ARL5B: variants seen among roughly 807,000 people sequenced by gnomAD.
The protein encoded by ARL5B is ARF like GTPase 5B, also known as ADP-ribosylation factor-like protein 5B.
A neutral mutation model predicts 26.9 loss-of-function variants in ARL5B; 10 were observed. That is an observed-to-expected ratio of 0.37 (90% CI 0.23 to 0.63). The LOEUF is 0.63. Ranked by LOEUF, ARL5B falls within the 30% of genes least tolerant of loss-of-function variation. The pLI, the probability that ARL5B is intolerant of heterozygous loss-of-function variation, is 0.62. For missense variants in ARL5B, 167 were observed against 213.9 expected, an observed-to-expected ratio of 0.78 and a Z score of 1.37; for synonymous variants, 87 against 70.4, an observed-to-expected ratio of 1.24 and a Z score of -1.18.
chr10:18,667,401 C>G (rs1015230335), intron 2 of ARL5B, among the ~76,000 whole-genome samples: 2 of 152,300 alleles, frequency 1.3e-5, no homozygotes, highest in Admixed American at 1.3e-4. Flanking sequence ...TTTGTTGTTT[C>G]AGAGTTGAAC....
chr10:18,674,001 A>C lies in ARL5B; in HGVS notation c.357A>C (p.Ala119=), dbSNP rs765341931. ...MLAHEDLRKA[A]VLIFANKQDM... The stretch of plus-strand genomic sequence containing the variant: ...GATTGCAGGATTTACGGAAGGCTGC[A>C]GTCCTTATCTTTGCAAATAAACAGG... The change falls in exon 5 of 6, where the codon GCA becomes GCC. Residue 119 remains alanine (A), a synonymous_variant. Transcript: ENST00000377275. The C allele has an allele frequency of 1.2e-6, 2 of 1,605,386 alleles. No individual in the cohort carries two copies. Among genetic ancestry groups the C allele is most frequent in the African/African-American group, 1.3e-5 (1 of 74,352 alleles).
At chr10:18,664,507 G>A (rs1290932905) in intron 1 of ARL5B, among the ~76,000 whole-genome samples, 10 of 131,728 alleles carry the variant, frequency 7.6e-5, no homozygotes, top group South Asian at 4.9e-4. Context: ...ACCCGATCTC[G>A]GCTCACCGCA....
chr10:18,668,960 G>A (rs906562464), intron 3 of ARL5B, among the ~76,000 whole-genome samples: 3 of 151,916 alleles, frequency 2.0e-5, no homozygotes, highest in African/African-American at 4.8e-5. Context: ...AGTAGAGACC[G>A]GGGTTTCACC....
chr10:18,675,234 G>A lies in ARL5B; in HGVS notation c.*18G>A. 6.2e-7 allele frequency: 1 copy of A among 1,610,568 alleles called. No individual in the cohort carries two copies. The highest frequency in any genetic ancestry group is 8.5e-7 in the Non-Finnish European group (1 of 1,176,848). On this transcript the variant is annotated 3_prime_UTR_variant, in exon 6 of 6. Transcript: ENST00000377275. ...TGAGATAACTTTTTTGCTTGAAAGA[G>A]ACTGCTCTATTTATTCTGTGACATG...
chr10:18,674,919 A>G (rs1017679194), intron 5 of ARL5B, among the ~76,000 whole-genome samples: 5 of 152,262 alleles, frequency 3.3e-5, no homozygotes, highest in Middle Eastern at 6.8e-3. Flanking sequence ...TGCACTCTTC[A>G]TGGCAAAACT....
chr10:18,675,420 T>G lies in ARL5B; in HGVS notation c.*204T>G. The G allele has an allele frequency of 1.8e-6, 1 of 543,456 alleles. No individual in the cohort carries two copies. The highest frequency in any genetic ancestry group is 3.3e-6 in the Non-Finnish European group (1 of 302,358). The allele number at this position is 543,456 out of a possible 1,614,324, so 33.7% of individuals were successfully genotyped here. On this transcript the variant is annotated 3_prime_UTR_variant, in exon 6 of 6. Transcript: ENST00000377275. ...TTTAACACACTAATCTTCAGTTGGA[T>G]GAATGTAATGTATAACTATGTTTTC...
chr10:18,675,524 G>T lies in ARL5B; in HGVS notation c.*308G>T. On this transcript the variant is annotated 3_prime_UTR_variant, in exon 6 of 6. Transcript: ENST00000377275. ...GTTTGTCATATGCGTGATGTCTTCT[G>T]AAATATTCTTATAACCTTAATGACC... is the stretch of plus-strand genomic sequence containing the variant. 3.4e-6 allele frequency: 1 copy of T among 292,174 alleles called. No homozygotes were observed. The highest frequency in any genetic ancestry group is 6.6e-6 in the Non-Finnish European group (1 of 152,306). The allele number at this position is 292,174 out of a possible 1,614,324, so 18.1% of individuals were successfully genotyped here.
At position 18,673,237 on chromosome 10, in the gene ARL5B, T is replaced by G. The variant is rs564693609; in HGVS notation, c.339+532T>G. ...CCACCACGCCTGGTTAATTTTTGTATTTTTAGTAGAGACAGGATTTCACCA... is the reference window on the plus strand; with the variant it reads ...CCACCACGCCTGGTTAATTTTTGTAGTTTTAGTAGAGACAGGATTTCACCA... On this transcript the variant is annotated intron_variant, in intron 4 of 5. Coordinates refer to ENST00000377275, the MANE Select transcript of ARL5B (RefSeq NM_178815.5). Among the ~76,000 whole-genome samples, 18 of 151,996 alleles carry G rather than the reference T, an allele frequency of 1.2e-4. No individual in the cohort carries two copies. The East Asian group carries it at 3.5e-3, about 29-fold the overall frequency.
chr10:18,671,297 G>A (rs370444741), intron 3 of ARL5B, among the ~76,000 whole-genome samples: 2 of 151,702 alleles, frequency 1.3e-5, no homozygotes, highest in African/African-American at 2.4e-5. Context: ...CTCAGCCTCC[G>A]AAGTAGCAGG....
At position 18,669,991 on chromosome 10, in the gene ARL5B, T is replaced by C. The variant is rs570915835; in HGVS notation, c.255+1314T>C. ...CCTGGGTGACAAAACGAGACTCTTA[T>C]CTCAAAAAAAAAAAAAAAAAAAATT... On this transcript the variant is annotated intron_variant, in intron 3 of 5. Transcript: ENST00000377275. Among the ~76,000 whole-genome samples the C allele has an allele frequency of 1.1e-3, 135 of 126,932 alleles. 1 individual carries two copies. The highest frequency in any genetic ancestry group is 4.2e-3 in the African/African-American group (132 of 31,074). 83.3% of individuals were successfully genotyped at this position (126,932 alleles called of 152,430 possible).
intron 1 of ARL5B, among the ~76,000 whole-genome samples, chr10:18,666,314 A>T (rs746086261): frequency 1.3e-5 from 2 of 152,252 alleles, no homozygotes; most frequent in Admixed American, 6.5e-5. Flanking sequence ...AATATAAGTG[A>T]CCAACTTTGC....
intron 4 of ARL5B, 135 bp downstream of exon 4, chr10:18,672,840 G>T: frequency 2.2e-6 from 1 of 456,138 alleles, no homozygotes; most frequent in Non-Finnish European, 3.8e-6. Flanking sequence ...CTAAACTGAT[G>T]AAAGTCTTGA....
chr10:18,664,691 G>A (rs2059853304), intron 1 of ARL5B, among the ~76,000 whole-genome samples: 1 of 151,898 alleles, frequency 6.6e-6, no homozygotes, highest in Non-Finnish European at 1.5e-5. Flanking sequence ...TCCCACCTCG[G>A]CCTCCCAAAG....
At chr10:18,662,081 C>T (rs1430742663) in intron 1 of ARL5B, among the ~76,000 whole-genome samples, 1 of 152,216 alleles carries the variant, frequency 6.6e-6, no homozygotes, top group Non-Finnish European at 1.5e-5. Context: ...ACAAAATTAA[C>T]TACCAATCTC....
chr10:18,681,179 T>C lies in ARL5B; in HGVS notation c.*5963T>C, dbSNP rs1202912472. 2.0e-5 allele frequency: 3 copies of C among 152,162 alleles called. No homozygotes were observed. Among genetic ancestry groups the C allele is most frequent in the South Asian group, 2.1e-4 (1 of 4,832 alleles). 9.4% of individuals were successfully genotyped at this position (152,162 alleles called of 1,614,324 possible). ...GTATTGTGCAGAGGAAAGAAAAATG[T>C]CTTTCACACCACAAACTGTGTGTCT... On this transcript the variant is annotated 3_prime_UTR_variant, in exon 6 of 6. Transcript: ENST00000377275.
In ARL5B at chr10:18,680,261, A is replaced by G. The variant is rs1248760997; in HGVS notation, c.*5045A>G. On this transcript the variant is annotated 3_prime_UTR_variant, in exon 6 of 6. Transcript: ENST00000377275. The stretch of plus-strand genomic sequence containing the variant: ...GTATTTGAAATATGCAAAATTCATA[A>G]CTAAGGGATAGCATTCCTTGGAGAC... The G allele has an allele frequency of 2.0e-5, 3 of 152,024 alleles. No homozygotes were observed. Among genetic ancestry groups the G allele is most frequent in the African/African-American group, 4.8e-5 (2 of 41,426 alleles). 9.4% of individuals were successfully genotyped at this position (152,024 alleles called of 1,614,324 possible).
At position 18,659,688 on chromosome 10, in the gene ARL5B, G is replaced by A. The variant is rs768946901; in HGVS notation, c.46+5G>A. The A allele has an allele frequency of 6.2e-7, 1 of 1,612,528 alleles. No individual in the cohort carries two copies. Among genetic ancestry groups the A allele is most frequent in the East Asian group, 2.2e-5 (1 of 44,722 alleles). On this transcript the variant is annotated splice_donor_5th_base_variant and intron_variant, in intron 1 of 5. Transcript: ENST00000377275. Reference sequence around the variant, plus strand: ...GGAGCCTCTTCTGTAACCAAGGTGAGAAGAATGGAGCTGCGCGGCGGCTCG... The same window carrying A: ...GGAGCCTCTTCTGTAACCAAGGTGAAAAGAATGGAGCTGCGCGGCGGCTCG...
intron 1 of ARL5B, among the ~76,000 whole-genome samples, chr10:18,663,588 G>A (rs1235060318): frequency 4.4e-5 from 5 of 112,662 alleles, no homozygotes; most frequent in African/African-American, 1.7e-4. Context: ...TCTCTCTGTC[G>A]CCCAGGCTGG....
chr10:18,663,077 C>T (rs115871704), intron 1 of ARL5B, among the ~76,000 whole-genome samples: 21,607 of 152,046 alleles, frequency 0.14, 1,719 homozygotes, highest in Middle Eastern at 0.23. Context: ...CCTGTGATCT[C>T]AGCTCACTGC....
Sources: gnomAD v4.1 joint callset for allele counts (sites outside exome capture counted in the v4.1 genomes callset) on GRCh38, gnomAD v4.1.1 for gene constraint, MANE v1.5 for transcripts, NCBI Gene and HGNC (gene_info 2026-07-23, HGNC 2026-07-21) for gene names.